Variants in PDE4B observed in about 807,000 individuals in gnomAD.
PDE4B encodes the protein 3',5'-cyclic-AMP phosphodiesterase 4B.
PDE4B carries 20 observed loss-of-function variants against 82.2 expected under a neutral mutation model. The observed-to-expected ratio is 0.24, with a 90% CI of 0.17 to 0.35. The LOEUF is 0.35. Ranked by LOEUF, PDE4B falls within the 10% of genes least tolerant of loss-of-function variation. PDE4B has a pLI of 1.00. For synonymous variants in PDE4B, 320 were observed against 318.9 expected, an observed-to-expected ratio of 1.00 and a Z score of -0.04; for missense variants, 655 against 907.2, an observed-to-expected ratio of 0.72 and a Z score of 3.57.
chr1:66,235,669 T>C (rs1652352110), intron 3 of PDE4B, among the ~76,000 whole-genome samples: 1 of 152,264 alleles, frequency 6.6e-6, no homozygotes, highest in Admixed American at 6.5e-5. Context: ...TCCTTTTAAA[T>C]GTGATGTTTA....
chr1:65,826,254 A>C (rs566780635), intron 1 of PDE4B, among the ~76,000 whole-genome samples: 1 of 152,244 alleles, frequency 6.6e-6, no homozygotes, highest in East Asian at 1.9e-4. Flanking sequence ...CTGCCTCCTA[A>C]GTTACTGATC....
At chr1:66,082,896 G>A (rs918154623) in intron 3 of PDE4B, among the ~76,000 whole-genome samples, 7 of 151,992 alleles carry the variant, frequency 4.6e-5, no homozygotes, top group African/African-American at 1.4e-4. Context: ...AATCTAGTGG[G>A]AGATAAAGAC....
chr1:65,912,376 C>T (rs190128258), intron 1 of PDE4B, among the ~76,000 whole-genome samples: 6 of 152,236 alleles, frequency 3.9e-5, no homozygotes, highest in African/African-American at 1.4e-4. Flanking sequence ...TACTATTTCA[C>T]CTTTTACCCC....
intron 1 of PDE4B, among the ~76,000 whole-genome samples, chr1:65,803,034 TATATTA>T (rs1249837390): frequency 1.3e-5 from 2 of 152,182 alleles, no homozygotes; most frequent in Admixed American, 1.3e-4. Context: ...TTTAATGACA[TATATTA>T]ATATTATCCA....
At chr1:66,081,824 CTCTCTCTCTGTG>C (rs1276451098) in intron 3 of PDE4B, among the ~76,000 whole-genome samples, 87 of 111,930 alleles carry the variant, frequency 7.8e-4, no homozygotes, top group Admixed American at 2.1e-3. Context: ...CTCTCTCTCT[CTCTCTCTCTGTG>C]TGTGTGTGTG....
intron 3 of PDE4B, among the ~76,000 whole-genome samples, chr1:66,014,400 C>T (rs1164302140): frequency 6.6e-6 from 1 of 152,100 alleles, no homozygotes; most frequent in Non-Finnish European, 1.5e-5. Context: ...CCTATGTTTC[C>T]TTATAGAAGT....
intron 7 of PDE4B, among the ~76,000 whole-genome samples, chr1:66,326,737 T>C (rs1320411808): frequency 6.6e-6 from 1 of 152,204 alleles, no homozygotes; most frequent in Non-Finnish European, 1.5e-5. Context: ...TAGAGATATG[T>C]TGGAATATCA....
At chr1:65,946,998 G>A (rs553054423) in intron 3 of PDE4B, among the ~76,000 whole-genome samples, 49 of 152,110 alleles carry the variant, frequency 3.2e-4, no homozygotes, top group Non-Finnish European at 5.3e-4. Flanking sequence ...TACCTATGGG[G>A]CAGCCTCTTG....
intron 3 of PDE4B, among the ~76,000 whole-genome samples, chr1:66,199,491 G>C (rs1648677077): frequency 6.6e-6 from 1 of 151,658 alleles, no homozygotes; most frequent in Non-Finnish European, 1.5e-5. Flanking sequence ...AAATTTGTTT[G>C]AGTTCATTGT....
At chr1:66,283,582 G>A (rs943237658) in intron 7 of PDE4B, among the ~76,000 whole-genome samples, 1 of 151,976 alleles carries the variant, frequency 6.6e-6, no homozygotes, top group African/African-American at 2.4e-5. Context: ...AAATTACCAT[G>A]TTTTAGAGCT....
intron 3 of PDE4B, among the ~76,000 whole-genome samples, chr1:65,952,393 TA>T (rs1384321798): frequency 6.6e-6 from 1 of 151,988 alleles, no homozygotes; most frequent in African/African-American, 2.4e-5. Context: ...CATTAATGTA[TA>T]ATTAGGCCAG....
intron 3 of PDE4B, among the ~76,000 whole-genome samples, chr1:66,026,576 T>C (rs1238029893): frequency 6.6e-6 from 1 of 152,200 alleles, no homozygotes; most frequent in Admixed American, 6.5e-5. Context: ...TTTATGGGTT[T>C]GTTGTGAGAA....
chr1:65,929,768 G>A (rs945992324), intron 3 of PDE4B, among the ~76,000 whole-genome samples: 10 of 152,178 alleles, frequency 6.6e-5, no homozygotes, highest in African/African-American at 2.4e-4. Flanking sequence ...CCTCTCATGA[G>A]TGGTGAATTG....
chr1:66,244,311 A>G (rs1653126399), intron 3 of PDE4B, among the ~76,000 whole-genome samples: 2 of 152,194 alleles, frequency 1.3e-5, no homozygotes, highest in African/African-American at 4.8e-5. Context: ...TCTACGTTTT[A>G]TATAATATTC....
intron 3 of PDE4B, among the ~76,000 whole-genome samples, chr1:66,187,966 G>A (rs923549753): frequency 8.0e-5 from 12 of 149,096 alleles, no homozygotes; most frequent in African/African-American, 3.0e-4. Flanking sequence ...TCTCTTGTGG[G>A]CATTTAGTGC....
chr1:66,133,909 C>G (rs1646001591), intron 3 of PDE4B, among the ~76,000 whole-genome samples: 1 of 152,152 alleles, frequency 6.6e-6, no homozygotes. Context: ...AGCTTTCTGA[C>G]TTTCCCTATT....
At chr1:66,190,636 C>A (rs1275420266) in intron 3 of PDE4B, among the ~76,000 whole-genome samples, 5 of 152,178 alleles carry the variant, frequency 3.3e-5, no homozygotes, top group Non-Finnish European at 7.3e-5. Context: ...AACCTCTGAG[C>A]CAGGCGTGGG....
At chr1:66,183,885 G>A (rs1570417393) in intron 3 of PDE4B, among the ~76,000 whole-genome samples, 1 of 152,290 alleles carries the variant, frequency 6.6e-6, no homozygotes, top group African/African-American at 2.4e-5. Context: ...ATAAGACAAA[G>A]TGTTGGCACC....
At chr1:66,358,827 T>TA (rs879469942) in intron 9 of PDE4B, among the ~76,000 whole-genome samples, 2 of 152,170 alleles carry the variant, frequency 1.3e-5, no homozygotes, top group East Asian at 1.9e-4. Context: ...CATTAAATGT[T>TA]AAAAATGTGT....
Sources: allele counts gnomAD v4.1 joint callset (sites outside exome capture counted in the v4.1 genomes callset), GRCh38; gene constraint gnomAD v4.1.1; transcripts MANE v1.5; gene names NCBI Gene and HGNC (gene_info 2026-07-23, HGNC 2026-07-21).